The following OR56A3 variants were observed in gnomAD, a reference collection of about 807,000 sequenced individuals.
The protein encoded by OR56A3 is olfactory receptor family 56 subfamily A member 3.
A neutral mutation model predicts 17.5 loss-of-function variants in OR56A3; 23 were observed. The observed-to-expected ratio is 1.32, with a 90% CI of 0.95 to 1.87. OR56A3 has a LOEUF of 1.87. Ranked by LOEUF, OR56A3 falls within the 40% of genes most tolerant of loss-of-function variation. OR56A3 has a pLI of 0.00. For synonymous variants in OR56A3, 175 were observed against 150.6 expected (o/e 1.16, Z -1.19); for missense variants, 366 against 380.1 (o/e 0.96, Z 0.31).
the OR56A3 span, among the ~76,000 whole-genome samples, chr11:5,969,148 A>C: frequency 6.6e-6 from 1 of 152,210 alleles, no homozygotes; most frequent in Non-Finnish European, 1.5e-5. Context: ...GACATATTTA[A>C]TCCAAGCCTG....
Position 5,947,367 on chromosome 11 carries a change from C to T in OR56A3, c.21C>T (p.Asp7=), listed in dbSNP as rs755530104. ...AAAATATGACAACACACCGAAATGA[C>T]ACCCTCTCCACTGAAGCTTCAGACT... The part of the protein sequence containing the change: MTTHRN[D]TLSTEASDFL... Residue 7 remains aspartate (D), a synonymous_variant, in exon 3 of 3, where the codon GAC becomes GAT. Transcript: ENST00000641160. 2 of 1,600,746 alleles carry T rather than the reference C, an allele frequency of 1.2e-6. No homozygotes were observed. The highest frequency in any genetic ancestry group is 2.7e-5 in the African/African-American group (2 of 74,462).
the OR56A3 span, among the ~76,000 whole-genome samples, chr11:6,017,981 T>C: frequency 6.6e-6 from 1 of 152,090 alleles, no homozygotes; most frequent in Non-Finnish European, 1.5e-5. Flanking sequence ...AGAAGGTCAT[T>C]ATATGATGAC....
At chr11:5,961,282 A>C in the OR56A3 span, among the ~76,000 whole-genome samples, 2 of 152,254 alleles carry the variant, frequency 1.3e-5, no homozygotes, top group Non-Finnish European at 2.9e-5. Context: ...ACGGGCCATG[A>C]TGACAATGGC....
downstream of OR56A3, among the ~76,000 whole-genome samples, chr11:5,955,945 A>C (rs1163677372): frequency 6.6e-6 from 1 of 152,154 alleles, no homozygotes; most frequent in East Asian, 1.9e-4. Context: ...TGCAGCGTTT[A>C]CCCCAAAATA....
chr11:6,011,043 G>A, the OR56A3 span, among the ~76,000 whole-genome samples: 1 of 151,968 alleles, frequency 6.6e-6, no homozygotes, highest in Non-Finnish European at 1.5e-5. Context: ...GAGTCAAAAA[G>A]TTAAAATGCA....
the OR56A3 span, among the ~76,000 whole-genome samples, chr11:5,977,981 G>T: frequency 6.6e-6 from 1 of 152,174 alleles, no homozygotes; most frequent in Non-Finnish European, 1.5e-5. Flanking sequence ...CCCATTGCTT[G>T]TTATTGTTGA....
the OR56A3 span, among the ~76,000 whole-genome samples, chr11:5,965,031 T>C: frequency 2.0e-4 from 31 of 152,326 alleles, no homozygotes; most frequent in Middle Eastern, 6.8e-3. Context: ...ATTTAATGCA[T>C]GGATAATTGT....
chr11:6,013,003 G>A, the OR56A3 span, among the ~76,000 whole-genome samples: 2 of 152,258 alleles, frequency 1.3e-5, no homozygotes, highest in Non-Finnish European at 2.9e-5. Flanking sequence ...CAAGGGCAGA[G>A]GGTGGCCTTC....
the OR56A3 span, among the ~76,000 whole-genome samples, chr11:5,974,013 C>T: frequency 6.6e-6 from 1 of 152,250 alleles, no homozygotes; most frequent in East Asian, 1.9e-4. Context: ...AGGGCTGGGG[C>T]TGGTAGTGAG....
chr11:6,016,996 G>C, the OR56A3 span: 1 of 151,960 alleles, frequency 6.6e-6, no homozygotes, highest in African/African-American at 2.4e-5. Context: ...ATATTTTTTA[G>C]TCTATGGCCA....
chr11:5,967,708 T>C, the OR56A3 span: 6 of 1,613,250 alleles, frequency 3.7e-6, no homozygotes, highest in African/African-American at 1.3e-5. Context: ...AGGTTAGTGA[T>C]GACCAGAACC....
chr11:6,020,889 T>G, the OR56A3 span: 1 of 152,034 alleles, frequency 6.6e-6, no homozygotes, highest in Non-Finnish European at 1.5e-5. Context: ...TGTGCCAGTT[T>G]TATAGGGGAA....
chr11:5,955,996 A>G (rs530299037), downstream of OR56A3, among the ~76,000 whole-genome samples: 3 of 152,334 alleles, frequency 2.0e-5, no homozygotes, highest in South Asian at 6.2e-4. Flanking sequence ...TTATTTTCAC[A>G]TCACTCTAGT....
At chr11:5,974,109 CTT>C in the OR56A3 span, among the ~76,000 whole-genome samples, 2 of 141,760 alleles carry the variant, frequency 1.4e-5, no homozygotes, top group Non-Finnish European at 1.5e-5. Context: ...TTATTAAACT[CTT>C]TTTTTTTTTT....
chr11:5,965,718 A>G, the OR56A3 span, among the ~76,000 whole-genome samples: 1 of 152,230 alleles, frequency 6.6e-6, no homozygotes, highest in Non-Finnish European at 1.5e-5. Flanking sequence ...TTTATAATCT[A>G]CTACCAAAGG....
the OR56A3 span, among the ~76,000 whole-genome samples, chr11:5,971,359 C>A: frequency 1.3e-5 from 2 of 152,184 alleles, no homozygotes; most frequent in Non-Finnish European, 2.9e-5. Flanking sequence ...TTTCCTTAGT[C>A]CACTGTCGCT....
chr11:5,972,886 C>T, the OR56A3 span, among the ~76,000 whole-genome samples: 1 of 152,176 alleles, frequency 6.6e-6, no homozygotes, highest in African/African-American at 2.4e-5. Context: ...CATGAGCCAC[C>T]GTGCCCGGCA....
chr11:5,994,793 A>C, the OR56A3 span: 1 of 754,492 alleles, frequency 1.3e-6, no homozygotes, highest in African/African-American at 1.7e-5. Flanking sequence ...TCCCCAGTCT[A>C]CCTGGGGTCC....
At chr11:6,015,868 G>A in the OR56A3 span, among the ~76,000 whole-genome samples, 1 of 152,182 alleles carries the variant, frequency 6.6e-6, no homozygotes, top group Non-Finnish European at 1.5e-5. Context: ...TTGGACTTTG[G>A]ACTTTCAAGC....
Sources: allele counts gnomAD v4.1 joint callset (sites outside exome capture counted in the v4.1 genomes callset), GRCh38; gene constraint gnomAD v4.1.1; transcripts MANE v1.5; gene names NCBI Gene and HGNC (gene_info 2026-07-23, HGNC 2026-07-21).